Variants in DDAH1 observed in about 807,000 individuals in gnomAD.
DDAH1 encodes the protein dimethylarginine dimethylaminohydrolase 1, also known as N(G),N(G)-dimethylarginine dimethylaminohydrolase 1.
In DDAH1, 19 loss-of-function variants were observed where a neutral mutation model predicts 28.8. That is an observed-to-expected ratio of 0.66 (90% CI 0.46 to 0.97). The LOEUF is 0.97. Ranked by LOEUF, DDAH1 falls within the 50% of genes least tolerant of loss-of-function variation. DDAH1 has a pLI of 0.00. For synonymous variants in DDAH1, 153 were observed against 154.4 expected (o/e 0.99, Z 0.07); for missense variants, 326 against 375.9 (o/e 0.87, Z 1.10).
At chr1:85,559,582 T>C (rs1659081404) in intron 1 of DDAH1, among the ~76,000 whole-genome samples, 1 of 152,142 alleles carries the variant, frequency 6.6e-6, no homozygotes, top group South Asian at 2.1e-4. Flanking sequence ...ACAACTATTA[T>C]AGCTATGTAC....
chr1:85,539,061 C>T (rs1294839818), intron 1 of DDAH1, among the ~76,000 whole-genome samples: 20 of 152,278 alleles, frequency 1.3e-4, no homozygotes, highest in African/African-American at 4.3e-4. Flanking sequence ...CTTCAATTAC[C>T]ATCTAAATGA....
At chr1:85,453,129 T>C (rs954222480) in intron 1 of DDAH1, among the ~76,000 whole-genome samples, 5 of 152,318 alleles carry the variant, frequency 3.3e-5, no homozygotes, top group African/African-American at 9.6e-5. Flanking sequence ...CTCAGCTGTA[T>C]TGAGGCCAAC....
intron 4 of DDAH1, among the ~76,000 whole-genome samples, chr1:85,335,347 G>A (rs1357876761): frequency 6.6e-6 from 1 of 152,090 alleles, no homozygotes; most frequent in African/African-American, 2.4e-5. Context: ...AAAAACCTGT[G>A]ACCTATCCAA....
At chr1:85,444,325 T>C (rs1333216782) in intron 1 of DDAH1, among the ~76,000 whole-genome samples, 1 of 152,220 alleles carries the variant, frequency 6.6e-6, no homozygotes, top group Non-Finnish European at 1.5e-5. Context: ...GTTTATTGAT[T>C]TGCATTTGTA....
intron 1 of DDAH1, among the ~76,000 whole-genome samples, chr1:85,459,833 C>T (rs1401200572): frequency 6.6e-6 from 1 of 152,126 alleles, no homozygotes; most frequent in East Asian, 1.9e-4. Context: ...ACAACATATT[C>T]TCATTTACGA....
intron 1 of DDAH1, among the ~76,000 whole-genome samples, chr1:85,385,279 C>G (rs974296285): frequency 2.0e-5 from 3 of 152,112 alleles, no homozygotes; most frequent in Admixed American, 2.0e-4. Context: ...TAACTTGAAT[C>G]AAAAACAGAT....
At chr1:85,399,820 T>C (rs1372689273) in intron 1 of DDAH1, 1 of 152,204 alleles carries the variant, frequency 6.6e-6, no homozygotes, top group Non-Finnish European at 1.5e-5. Flanking sequence ...TCAATCTGTT[T>C]TTTGTTCTTC....
intron 5 of DDAH1, among the ~76,000 whole-genome samples, chr1:85,322,130 C>T (rs1661374549): frequency 6.6e-6 from 1 of 151,980 alleles, no homozygotes; most frequent in South Asian, 2.1e-4. Flanking sequence ...ACTATTTTGC[C>T]AGGGCTGGTC....
At chr1:85,533,925 G>A (rs1477918204) in intron 1 of DDAH1, among the ~76,000 whole-genome samples, 88 of 152,356 alleles carry the variant, frequency 5.8e-4, no homozygotes, top group Admixed American at 2.7e-3. Flanking sequence ...GGATGGCGGT[G>A]GAGAAGGTAA....
chr1:85,479,450 G>A (rs1655926100), intron 2 of DDAH1, among the ~76,000 whole-genome samples: 1 of 152,126 alleles, frequency 6.6e-6, no homozygotes, highest in South Asian at 2.1e-4. Flanking sequence ...TGGGATTACA[G>A]GCGTGAGCCA....
intron 1 of DDAH1, among the ~76,000 whole-genome samples, chr1:85,535,944 A>G (rs1447312815): frequency 1.3e-5 from 2 of 152,244 alleles, no homozygotes; most frequent in East Asian, 1.9e-4. Context: ...GCTCAGCATC[A>G]GTAATCATCA....
intron 1 of DDAH1, among the ~76,000 whole-genome samples, chr1:85,411,959 A>AT (rs1404041346): frequency 6.6e-6 from 1 of 152,172 alleles, no homozygotes; most frequent in Non-Finnish European, 1.5e-5. Flanking sequence ...GCCTGCAGGA[A>AT]TTTTCTCCAC....
At chr1:85,474,979 T>C (rs1655744623) in intron 2 of DDAH1, among the ~76,000 whole-genome samples, 1 of 152,102 alleles carries the variant, frequency 6.6e-6, no homozygotes. Context: ...AAGACCCTCA[T>C]TTGAAAAATG....
At chr1:85,453,868 CA>C (rs1445645337) in intron 1 of DDAH1, among the ~76,000 whole-genome samples, 1 of 152,178 alleles carries the variant, frequency 6.6e-6, no homozygotes, top group Non-Finnish European at 1.5e-5. Flanking sequence ...GGCCTTTAGC[CA>C]GTGATCTGAG....
chr1:85,366,297 G>A (rs140264144), intron 1 of DDAH1, among the ~76,000 whole-genome samples: 7 of 152,184 alleles, frequency 4.6e-5, no homozygotes, highest in Non-Finnish European at 7.4e-5. Context: ...TAACCATTTA[G>A]CTCATTTTCC....
chr1:85,447,626 C>T (rs1014097880), intron 1 of DDAH1, among the ~76,000 whole-genome samples: 1 of 152,146 alleles, frequency 6.6e-6, no homozygotes, highest in Non-Finnish European at 1.5e-5. Context: ...AAATCATTGA[C>T]CTAGTAATAT....
intron 2 of DDAH1, among the ~76,000 whole-genome samples, chr1:85,473,962 C>T (rs754733573): frequency 6.6e-6 from 1 of 152,178 alleles, no homozygotes; most frequent in Non-Finnish European, 1.5e-5. Context: ...AAAAGACATC[C>T]GTATTTGGCT....
At chr1:85,383,896 C>G (rs1651122558) in intron 1 of DDAH1, among the ~76,000 whole-genome samples, 1 of 152,142 alleles carries the variant, frequency 6.6e-6, no homozygotes, top group Non-Finnish European at 1.5e-5. Flanking sequence ...AATTAATAGA[C>G]TACATTAAAA....
At chr1:85,562,208 C>T (rs992932268) in intron 1 of DDAH1, among the ~76,000 whole-genome samples, 2 of 151,392 alleles carry the variant, frequency 1.3e-5, no homozygotes, top group Non-Finnish European at 2.9e-5. Context: ...AATTTTAATG[C>T]AACAATCTCA....
Sources: gnomAD v4.1 joint callset for allele counts (sites outside exome capture counted in the v4.1 genomes callset) on GRCh38, gnomAD v4.1.1 for gene constraint, MANE v1.5 for transcripts, NCBI Gene and HGNC (gene_info 2026-07-23, HGNC 2026-07-21) for gene names.